Variants in CENPE observed in about 807,000 individuals in gnomAD.
CENPE encodes centromere-associated protein E.
A neutral mutation model predicts 336.1 loss-of-function variants in CENPE; 145 were observed. The ratio of observed to expected loss-of-function variants is 0.43; its 90% CI spans 0.38 to 0.50. The LOEUF is 0.50. CENPE is among the 20% of genes least tolerant of loss of function. The pLI is 0.00. For synonymous variants in CENPE, 1,013 were observed against 984.8 expected (o/e 1.03, Z -0.54); for missense variants, 2,719 against 3,023.3 (o/e 0.90, Z 2.36).
intron 20 of CENPE, 43 bp from the exon 21 acceptor site, chr4:103,160,822 A>G (rs768062090): frequency 1.3e-6 from 2 of 1,483,594 alleles, no homozygotes; most frequent in East Asian, 2.3e-5. Flanking sequence ...AATGTTGCCA[A>G]ACAGGTAATT....
rs114456462 is a variant in CENPE at position 103,197,890 on chromosome 4, T to A, written c.56+374A>T. Reference sequence around the variant, plus strand: ...CAGACTAGCCCTTGTCTTCAGAGGGTCTGGAGACAGCAGTTAGGTGTAAAA... The same window carrying A: ...CAGACTAGCCCTTGTCTTCAGAGGGACTGGAGACAGCAGTTAGGTGTAAAA... On this transcript the variant is annotated intron_variant, in intron 1 of 48. Coordinates refer to ENST00000265148, the MANE Select transcript of CENPE (RefSeq NM_001813.3). Among the ~76,000 whole-genome samples the A allele has an allele frequency of 3.8e-3, 583 of 152,168 alleles. 1 individual carries two copies. The highest frequency in any genetic ancestry group is 0.013 in the African/African-American group (530 of 41,496).
At chr4:103,123,935 G>A (rs1172101941) in intron 42 of CENPE, among the ~76,000 whole-genome samples, 1 of 152,176 alleles carries the variant, frequency 6.6e-6, no homozygotes, top group Admixed American at 6.5e-5. Context: ...GGTAGGCACT[G>A]TATCATCTCA....
chr4:103,186,290 CT>C (rs1756761581), intron 8 of CENPE, among the ~76,000 whole-genome samples: 1 of 152,178 alleles, frequency 6.6e-6, no homozygotes, highest in East Asian at 1.9e-4. Flanking sequence ...ATGTTCTATT[CT>C]GTCCTTATTC....
chr4:103,140,267 A>C lies in CENPE; in HGVS notation c.5902T>G (p.Leu1968Val). 6.3e-7 allele frequency: 1 copy of C among 1,590,680 alleles called. No homozygotes were observed. Among genetic ancestry groups the C allele is most frequent in the South Asian group, 1.2e-5 (1 of 85,788 alleles). ...AAAACAACACATACCTTTTTCTGTA[A>C]TTCATCTTTTGATTTATCTAAATCC... ...QKDLDKSKDE[L>V]QKKIQELQKK... Residue 1968 changes from leucine (L) to valine (V), a missense_variant, in exon 37 of 49, where the codon TTA (leucine) becomes GTA (valine). This residue lies in a region of CENPE where 2,437 missense variants were observed against 2,513.3 expected (regional missense o/e 0.97). Coordinates refer to ENST00000265148, the MANE Select transcript of CENPE (RefSeq NM_001813.3).
At chr4:103,108,011 C>T (rs1489272110) in intron 48 of CENPE, among the ~76,000 whole-genome samples, 1 of 152,138 alleles carries the variant, frequency 6.6e-6, no homozygotes, top group Non-Finnish European at 1.5e-5. Flanking sequence ...CCCACACAAG[C>T]TTGTACTCAC....
chr4:103,148,285 T>C (rs1753232405), intron 28 of CENPE, among the ~76,000 whole-genome samples: 1 of 152,188 alleles, frequency 6.6e-6, no homozygotes, highest in African/African-American at 2.4e-5. Context: ...GCAAACTATA[T>C]CCCAATAAAT....
rs186701809 is a variant in CENPE at position 103,151,336 on chromosome 4, T to G, written c.3279A>C (p.Glu1093Asp). Residue 1093 changes from glutamate (E) to aspartate (D), a missense_variant, in exon 26 of 49, where the codon GAA (glutamate) becomes GAC (aspartate). Physicochemically the swap from Glu to Asp is conservative, Grantham distance 45 (BLOSUM62 2). Coordinates refer to ENST00000265148, the MANE Select transcript of CENPE (RefSeq NM_001813.3). ...CAACTATCTCTTGTTGCTTTTTAAG[T>G]TCATCCCCAAGAAGTCTTAATTCTT... ...NQEELRLLGD[E>D]LKKQQEIVAQ... 2.1e-4 allele frequency: 332 copies of G among 1,599,420 alleles called. 5 individuals are homozygous for G. The Admixed American group carries it at 5.7e-3, about 28-fold the overall frequency.
Position 103,122,940 on chromosome 4 carries a change from C to T in CENPE, c.7074G>A (p.Gln2358=). The T allele has an allele frequency of 6.2e-7, 1 of 1,613,936 alleles. No individual in the cohort carries two copies. The highest frequency in any genetic ancestry group is 1.3e-5 in the African/African-American group (1 of 74,996). Residue 2358 remains glutamine, a synonymous_variant, in exon 43 of 49, where the codon CAG becomes CAA. Transcript: ENST00000265148. ...TLKTSLASGA[Q]VNPTTQDNKN... ...TATTGTCTTGTGTGGTAGGATTAACCTGGGCACCAGATGCCAAGGAAGTCT... is the reference window on the plus strand; with the variant it reads ...TATTGTCTTGTGTGGTAGGATTAACTTGGGCACCAGATGCCAAGGAAGTCT...
Position 103,147,555 on chromosome 4 carries a change from G to C in CENPE, c.3935C>G (p.Thr1312Arg), listed in dbSNP as rs1753160778. Reference protein sequence around the residue: ...QETMNELELLTEQSTTKDSTT... With the variant: ...QETMNELELLREQSTTKDSTT... The stretch of plus-strand genomic sequence containing the variant: ...TGAGTCCTTGGTTGTGGACTGTTCT[G>C]TTAATAACTCCAGTTCATTCATTGT... Residue 1312 changes from threonine to arginine, a missense_variant, in exon 29 of 49, where the codon ACA (threonine) becomes AGA (arginine). By Grantham distance (71) the Thr-to-Arg change is moderately conservative (BLOSUM62 -1). Coordinates refer to ENST00000265148, the MANE Select transcript of CENPE (RefSeq NM_001813.3). 2 of 1,613,844 alleles carry C rather than the reference G, an allele frequency of 1.2e-6. No individual in the cohort carries two copies. Among genetic ancestry groups the C allele is most frequent in the East Asian group, 4.5e-5 (2 of 44,864 alleles).
intron 8 of CENPE, among the ~76,000 whole-genome samples, chr4:103,191,469 T>C (rs1284847845): frequency 1.3e-5 from 2 of 152,084 alleles, no homozygotes; most frequent in Non-Finnish European, 1.5e-5. Context: ...TATGCAGCCA[T>C]AAAAAATGAT....
chr4:103,150,161 G>A (rs761763525), intron 26 of CENPE, among the ~76,000 whole-genome samples: 2 of 152,074 alleles, frequency 1.3e-5, no homozygotes, highest in Non-Finnish European at 1.5e-5. Flanking sequence ...CCCAAATACT[G>A]AGACATTAAC....
In CENPE at chr4:103,197,759, C is replaced by A. The variant is rs145540573; in HGVS notation, c.56+505G>T. Among the ~76,000 whole-genome samples the A allele has an allele frequency of 1.2e-4, 18 of 152,264 alleles. No homozygotes were observed. In the East Asian group the frequency reaches 3.5e-3, roughly 29 times the overall value. On this transcript the variant is annotated intron_variant, in intron 1 of 48. Transcript: ENST00000265148. Reference sequence around the variant, plus strand: ...TCTCGTCCCATTAGAATGGAAGAGCCACTGGGCAATGACGGGAGTGTCTGT... The same window carrying A: ...TCTCGTCCCATTAGAATGGAAGAGCAACTGGGCAATGACGGGAGTGTCTGT...
Position 103,196,792 on chromosome 4 carries a change from A to G in CENPE, c.115T>C (p.Tyr39His). 6.3e-7 allele frequency: 1 copy of G among 1,596,944 alleles called. No homozygotes were observed. Among genetic ancestry groups the G allele is most frequent in the South Asian group, 1.1e-5 (1 of 89,720 alleles). The stretch of plus-strand genomic sequence containing the variant: ...AAGGATTTACTTCCATCAACTTGAT[A>G]AATGACATTATTGTCAGTTTTCCAG... ...VYWKTDNNVI[Y>H]QVDGSKSFNF... Residue 39 changes from tyrosine to histidine, a missense_variant, in exon 2 of 49, where the codon TAT (tyrosine) becomes CAT (histidine). Tyr to His is a moderately conservative substitution (Grantham distance 83). This residue lies in a region of CENPE where 48 missense variants were observed against 50.8 expected (regional missense o/e 0.94). Coordinates refer to ENST00000265148, the MANE Select transcript of CENPE (RefSeq NM_001813.3).
At chr4:103,108,488 A>C (rs1267336728) in intron 48 of CENPE, among the ~76,000 whole-genome samples, 1 of 152,194 alleles carries the variant, frequency 6.6e-6, no homozygotes, top group Non-Finnish European at 1.5e-5. Context: ...TTGAATTGAT[A>C]AGACTTTTCA....
chr4:103,185,727 T>C (rs906508896), intron 9 of CENPE, 83 bp downstream of exon 9: 1 of 759,704 alleles, frequency 1.3e-6, no homozygotes. Context: ...ACTTTATCAA[T>C]TTCTAAAAAT....
intron 2 of CENPE, 146 bp from the exon 3 acceptor site, chr4:103,196,398 C>CT: frequency 1.5e-6 from 1 of 685,686 alleles, no homozygotes; most frequent in Non-Finnish European, 2.5e-6. Flanking sequence ...TTTTTTTCAA[C>CT]TTTTTGGTTC....
intron 46 of CENPE, among the ~76,000 whole-genome samples, chr4:103,113,105 T>C (rs1470892945): frequency 7.7e-6 from 1 of 130,294 alleles, no homozygotes; most frequent in Non-Finnish European, 1.6e-5. Flanking sequence ...TATAAGTGTA[T>C]ATATATACTT....
chr4:103,196,654 G>A (rs1271174663), intron 2 of CENPE, 105 bp downstream of exon 2: 1 of 641,066 alleles, frequency 1.6e-6, no homozygotes, highest in East Asian at 2.8e-5. Context: ...TTTATAGAAG[G>A]CTTAGTCTAA....
chr4:103,144,230 C>T lies in CENPE; in HGVS notation c.5145+101G>A, dbSNP rs918528474. On this transcript the variant is annotated intron_variant, in intron 33 of 48. Coordinates refer to ENST00000265148, the MANE Select transcript of CENPE (RefSeq NM_001813.3). ...GGATTACCGGCTCGAGCCACCGCGC[C>T]CGGCCTGGACCAATTTTATACTCCC... 1.2e-5 allele frequency: 13 copies of T among 1,044,846 alleles called. No individual in the cohort carries two copies. In the African/African-American group the frequency reaches 1.6e-4, roughly 13 times the overall value. The allele number at this position is 1,044,846 out of a possible 1,614,324, so 64.7% of individuals were successfully genotyped here. A position where few individuals can be genotyped will look rare whatever the true frequency, so the allele number is the denominator to read the frequency against.
Sources: allele counts gnomAD v4.1 joint callset (sites outside exome capture counted in the v4.1 genomes callset), GRCh38; gene constraint gnomAD v4.1.1; regional missense constraint gnomAD v4.1.1; transcripts MANE v1.5; gene names NCBI Gene and HGNC (gene_info 2026-07-23, HGNC 2026-07-21).